The following CCSER1 variants were observed in gnomAD, a reference collection of about 807,000 sequenced individuals.
The protein encoded by CCSER1 is coiled-coil serine rich protein 1, also known as serine-rich coiled-coil domain-containing protein 1.
In CCSER1, 41 loss-of-function variants were observed where a neutral mutation model predicts 82.0. The ratio of observed to expected loss-of-function variants is 0.50; its 90% CI spans 0.39 to 0.65. CCSER1 has a LOEUF of 0.65. Among genes scored for constraint, CCSER1 ranks in the 30% least tolerant of loss-of-function variants. The pLI is 0.00. For missense variants in CCSER1, 1,119 were observed against 1,064.2 expected (o/e 1.05, Z -0.72); for synonymous variants, 414 against 383.9 (o/e 1.08, Z -0.92).
chr4:90,844,370 C>T (rs918037360), intron 8 of CCSER1, among the ~76,000 whole-genome samples: 5 of 151,986 alleles, frequency 3.3e-5, no homozygotes, highest in Non-Finnish European at 7.4e-5. Context: ...CAATTACTGG[C>T]AGTAGCAAAT....
At chr4:90,490,832 A>G (rs1455238708) in intron 5 of CCSER1, among the ~76,000 whole-genome samples, 1 of 152,094 alleles carries the variant, frequency 6.6e-6, no homozygotes, top group Non-Finnish European at 1.5e-5. Flanking sequence ...AGATGGTTGC[A>G]GATGTGTGGT....
At chr4:90,186,930 A>G (rs777570400) in intron 1 of CCSER1, among the ~76,000 whole-genome samples, 43 of 151,994 alleles carry the variant, frequency 2.8e-4, no homozygotes, top group Non-Finnish European at 5.3e-4. Flanking sequence ...CTTTCTTGGT[A>G]TCTTTTTCTG....
chr4:91,211,886 T>G (rs1357226240), intron 10 of CCSER1, among the ~76,000 whole-genome samples: 1 of 151,982 alleles, frequency 6.6e-6, no homozygotes, highest in Non-Finnish European at 1.5e-5. Context: ...CTTAAAGAAA[T>G]TATTAGTTTA....
At chr4:90,141,058 A>ATCTG (rs1433091736) in intron 1 of CCSER1, among the ~76,000 whole-genome samples, 7 of 151,510 alleles carry the variant, frequency 4.6e-5, no homozygotes, top group African/African-American at 1.7e-4. Flanking sequence ...CTATCTATCT[A>ATCTG]TCTATTGTCT....
intron 9 of CCSER1, among the ~76,000 whole-genome samples, chr4:90,952,598 A>C (rs1733027031): frequency 6.6e-6 from 1 of 152,070 alleles, no homozygotes; most frequent in Admixed American, 6.6e-5. Context: ...ACTATCTCAT[A>C]GAATTCCTTT....
intron 3 of CCSER1, among the ~76,000 whole-genome samples, chr4:90,321,564 T>C (rs1737166839): frequency 6.6e-6 from 1 of 152,148 alleles, no homozygotes; most frequent in African/African-American, 2.4e-5. Flanking sequence ...ATTTCTTTTT[T>C]CCGAGTGCAT....
At chr4:90,270,047 A>G (rs965169080) in intron 1 of CCSER1, among the ~76,000 whole-genome samples, 1 of 152,040 alleles carries the variant, frequency 6.6e-6, no homozygotes, top group African/African-American at 2.4e-5. Flanking sequence ...TCCAGAAAAG[A>G]AAAGCCCAAG....
At chr4:91,235,980 T>G (rs1265878285) in intron 10 of CCSER1, among the ~76,000 whole-genome samples, 1 of 152,116 alleles carries the variant, frequency 6.6e-6, no homozygotes, top group Non-Finnish European at 1.5e-5. Context: ...AGACACATTT[T>G]GATTGGCATT....
At chr4:90,143,053 T>C (rs1397941609) in intron 1 of CCSER1, among the ~76,000 whole-genome samples, 1 of 152,204 alleles carries the variant, frequency 6.6e-6, no homozygotes, top group Non-Finnish European at 1.5e-5. Flanking sequence ...GTATGAAAAG[T>C]GAGGAAGCCT....
chr4:91,125,167 A>G (rs1727405154), intron 10 of CCSER1, among the ~76,000 whole-genome samples: 1 of 151,766 alleles, frequency 6.6e-6, no homozygotes, highest in African/African-American at 2.4e-5. Flanking sequence ...ATTTTAAAAA[A>G]TGAATTACAT....
At chr4:90,317,419 G>A (rs1425783175) in intron 3 of CCSER1, among the ~76,000 whole-genome samples, 7 of 152,012 alleles carry the variant, frequency 4.6e-5, no homozygotes, top group Non-Finnish European at 1.5e-5. Context: ...CAAGACCAGC[G>A]TGGCCAAGAT....
chr4:91,048,924 T>C (rs1018437188), intron 9 of CCSER1, among the ~76,000 whole-genome samples: 2 of 152,156 alleles, frequency 1.3e-5, no homozygotes, highest in African/African-American at 4.8e-5. Flanking sequence ...TGATCCATTA[T>C]TGGCATAACA....
intron 3 of CCSER1, among the ~76,000 whole-genome samples, chr4:90,344,080 A>G (rs184374749): frequency 4.6e-4 from 70 of 152,158 alleles, no homozygotes; most frequent in Non-Finnish European, 1.0e-4. Flanking sequence ...TTTACTTTCT[A>G]TCTCCATGAG....
intron 10 of CCSER1, among the ~76,000 whole-genome samples, chr4:91,238,853 TCGCA>T (rs1363169147): frequency 1.3e-5 from 2 of 151,722 alleles, no homozygotes; most frequent in Non-Finnish European, 2.9e-5. Flanking sequence ...AGACGGAGTC[TCGCA>T]TGGTCACCCA....
At chr4:91,446,667 A>AT (rs1755580309) in intron 10 of CCSER1, among the ~76,000 whole-genome samples, 3 of 59,618 alleles carry the variant, frequency 5.0e-5, no homozygotes, top group African/African-American at 1.2e-4. Flanking sequence ...TATATATTTT[A>AT]AATAAATAAA....
chr4:91,090,846 A>G (rs1581530356), intron 10 of CCSER1, among the ~76,000 whole-genome samples: 1 of 152,172 alleles, frequency 6.6e-6, no homozygotes, highest in Admixed American at 6.5e-5. Context: ...TTTTATTAAA[A>G]TATTTACCTC....
At chr4:90,495,077 CT>C (rs2153607762) in intron 5 of CCSER1, among the ~76,000 whole-genome samples, 1 of 152,210 alleles carries the variant, frequency 6.6e-6, no homozygotes, top group Admixed American at 6.5e-5. Flanking sequence ...AATTTACTAC[CT>C]TTTAAAATGA....
At chr4:91,138,571 C>T (rs867849159) in intron 10 of CCSER1, among the ~76,000 whole-genome samples, 1 of 61,828 alleles carries the variant, frequency 1.6e-5, no homozygotes, top group South Asian at 5.9e-4. Flanking sequence ...GCAACAAAAG[C>T]CAAAATTGAC....
At chr4:90,782,511 G>T (rs971189455) in intron 7 of CCSER1, among the ~76,000 whole-genome samples, 3 of 152,030 alleles carry the variant, frequency 2.0e-5, no homozygotes, top group Non-Finnish European at 4.4e-5. Flanking sequence ...CAAAGGCAGG[G>T]AAAGCAGTTA....
Sources: allele counts gnomAD v4.1 joint callset (sites outside exome capture counted in the v4.1 genomes callset), GRCh38; gene constraint gnomAD v4.1.1; transcripts MANE v1.5; gene names NCBI Gene and HGNC (gene_info 2026-07-23, HGNC 2026-07-21).